Variants in ADAMTS2 observed in about 807,000 individuals in gnomAD.
ADAMTS2 encodes A disintegrin and metalloproteinase with thrombospondin motifs 2.
Under a neutral mutation model 123.0 loss-of-function variants are expected in ADAMTS2, and 50 were observed. The observed-to-expected ratio is 0.41, with a 90% CI of 0.32 to 0.51. The LOEUF is 0.51. ADAMTS2 is among the 20% of genes least tolerant of loss of function. The probability of loss-of-function intolerance (pLI) is 0.35; values close to 1 mark genes in which losing one functional copy is unlikely to be tolerated. For synonymous variants in ADAMTS2, 678 were observed against 695.4 expected, an observed-to-expected ratio of 0.98 and a Z score of 0.39; for missense variants, 1,494 against 1,705.2, an observed-to-expected ratio of 0.88 and a Z score of 2.18.
chr5:179,172,020 G>A (rs535981542), intron 5 of ADAMTS2, among the ~76,000 whole-genome samples: 9 of 152,282 alleles, frequency 5.9e-5, no homozygotes, highest in Admixed American at 5.9e-4. Context: ...GGTTCCATCT[G>A]GAGTTAGCTC....
intron 3 of ADAMTS2, among the ~76,000 whole-genome samples, chr5:179,219,166 C>T (rs1765069635): frequency 6.6e-6 from 1 of 152,176 alleles, no homozygotes; most frequent in African/African-American, 2.4e-5. Flanking sequence ...GTGCTTTCCT[C>T]TCTGCTGGGA....
At position 179,313,982 on chromosome 5, in the gene ADAMTS2, C is replaced by T. The variant is rs463072; in HGVS notation, c.534+29785G>A. 1.7e-3 allele frequency among the ~76,000 whole-genome samples: 253 copies of T among 149,576 alleles called. 1 individual carries two copies. The highest frequency in any genetic ancestry group is 1.8e-3 in the Non-Finnish European group (119 of 66,938). On this transcript the variant is annotated intron_variant, in intron 2 of 21. Transcript: ENST00000251582. ...CACTCGTGCACACACACACTCACACCGAGACAGAGGAGGGCCTGGCCGGAG... is the reference window on the plus strand; with the variant it reads ...CACTCGTGCACACACACACTCACACTGAGACAGAGGAGGGCCTGGCCGGAG...
rs948167718 is a variant in ADAMTS2 at position 179,121,657 on chromosome 5, T to C, written c.3178+4A>G. On this transcript the variant is annotated splice_donor_region_variant and intron_variant, in intron 21 of 21. Transcript: ENST00000251582. ...AGAGGCAGAGTTATAAACGGGTCGG[T>C]TACTTGACGAGATCTTCCGGATGGG... is the stretch of plus-strand genomic sequence containing the variant. The C allele has an allele frequency of 8.1e-6, 13 of 1,598,928 alleles. No homozygotes were observed. Among genetic ancestry groups the C allele is most frequent in the Non-Finnish European group, 1.1e-5 (13 of 1,172,254 alleles).
chr5:179,134,110 T>C (rs1581144048), intron 13 of ADAMTS2, among the ~76,000 whole-genome samples: 1 of 152,236 alleles, frequency 6.6e-6, no homozygotes, highest in African/African-American at 2.4e-5. Flanking sequence ...TTTACAACCA[T>C]GATCACAGCT....
chr5:179,155,411 G>A lies in ADAMTS2; in HGVS notation c.1133-492C>T, dbSNP rs1025951047. 3.9e-5 allele frequency among the ~76,000 whole-genome samples: 6 copies of A among 152,176 alleles called. No individual in the cohort carries two copies. Among genetic ancestry groups the A allele is most frequent in the African/African-American group, 9.7e-5 (4 of 41,448 alleles). On this transcript the variant is annotated intron_variant, in intron 6 of 21. Coordinates refer to ENST00000251582, the MANE Select transcript of ADAMTS2 (RefSeq NM_014244.5). The surrounding 1 kb of genome is among the most constrained non-coding windows in gnomAD (Gnocchi z 5.1). ...TGGGGGGCGTTTCTTGGGTCTCCCCGTGTTTCTCTGGGGTCCTTGAGACCC... is the reference window on the plus strand; with the variant it reads ...TGGGGGGCGTTTCTTGGGTCTCCCCATGTTTCTCTGGGGTCCTTGAGACCC...
chr5:179,336,362 G>A (rs1401064845), intron 2 of ADAMTS2, among the ~76,000 whole-genome samples: 3 of 152,242 alleles, frequency 2.0e-5, no homozygotes, highest in African/African-American at 4.8e-5. Context: ...CCGCTACTTC[G>A]TAATTCACAA....
chr5:179,191,110 C>T (rs374390754), intron 4 of ADAMTS2, among the ~76,000 whole-genome samples: 7 of 152,244 alleles, frequency 4.6e-5, no homozygotes, highest in Middle Eastern at 3.2e-3. Flanking sequence ...GGCTGCAGGA[C>T]GCAGAAGGAC....
At chr5:179,222,523 G>GC (rs1432896592) in intron 3 of ADAMTS2, among the ~76,000 whole-genome samples, 1 of 152,226 alleles carries the variant, frequency 6.6e-6, no homozygotes, top group Non-Finnish European at 1.5e-5. Flanking sequence ...GGCCCCAGCT[G>GC]CCCTCAACAC....
In ADAMTS2 at chr5:179,328,126, G is replaced by A. The variant is rs1050105296; in HGVS notation, c.534+15641C>T. 3.9e-5 allele frequency among the ~76,000 whole-genome samples: 6 copies of A among 152,166 alleles called. No individual in the cohort carries two copies. In the East Asian group the frequency reaches 5.8e-4, roughly 15 times the overall value. On this transcript the variant is annotated intron_variant, in intron 2 of 21. Coordinates refer to ENST00000251582, the MANE Select transcript of ADAMTS2 (RefSeq NM_014244.5). ...GAGCTCACTGCAGGCTCCGCCTCCCGGGTTCACGCCATTCTCCTGCCTCAG... is the reference window on the plus strand; with the variant it reads ...GAGCTCACTGCAGGCTCCGCCTCCCAGGTTCACGCCATTCTCCTGCCTCAG...
At chr5:179,336,890 G>C (rs996904277) in intron 2 of ADAMTS2, among the ~76,000 whole-genome samples, 1 of 152,224 alleles carries the variant, frequency 6.6e-6, no homozygotes, top group Non-Finnish European at 1.5e-5. Flanking sequence ...GCACAAGGCA[G>C]GGTGGGGATG....
intron 10 of ADAMTS2, among the ~76,000 whole-genome samples, chr5:179,145,595 C>T (rs1445749875): frequency 6.6e-6 from 1 of 152,270 alleles, no homozygotes; most frequent in African/African-American, 2.4e-5. Context: ...AAGTGAAAGA[C>T]GCCAGGCGCA....
At chr5:179,296,989 T>C (rs1458812094) in intron 2 of ADAMTS2, among the ~76,000 whole-genome samples, 5 of 152,110 alleles carry the variant, frequency 3.3e-5, no homozygotes, top group African/African-American at 1.2e-4. Flanking sequence ...GTCTGTAGTA[T>C]CATCAAAATA....
rs569312124 is a variant in ADAMTS2, at chr5:179,202,131, C to T, written c.891+5382G>A. ...CCCCTCCAGTGATTTCCACTGCTCC[C>T]GGAGCCACAGGCGGCTCCCCTCCAC... On this transcript the variant is annotated intron_variant, in intron 4 of 21. Transcript: ENST00000251582. The surrounding 1 kb of genome is among the most constrained non-coding windows in gnomAD (Gnocchi z 4.0). Among the ~76,000 whole-genome samples, 22 of 152,294 alleles carry T rather than the reference C, an allele frequency of 1.4e-4. No individual in the cohort carries two copies. Among genetic ancestry groups the T allele is most frequent in the African/African-American group, 4.8e-4 (20 of 41,558 alleles).
intron 3 of ADAMTS2, among the ~76,000 whole-genome samples, chr5:179,208,299 T>C (rs1764767213): frequency 6.6e-6 from 1 of 152,182 alleles, no homozygotes. Context: ...TGTTCCCCAG[T>C]GTCTCCTTGG....
chr5:179,315,048 CA>C (rs1340945236), intron 2 of ADAMTS2, among the ~76,000 whole-genome samples: 4 of 140,114 alleles, frequency 2.9e-5, no homozygotes, highest in Non-Finnish European at 6.3e-5. Context: ...ACCCCCCCCA[CA>C]ATCCCCAAGG....
chr5:179,276,127 C>T (rs928897747), intron 2 of ADAMTS2, among the ~76,000 whole-genome samples: 1 of 152,090 alleles, frequency 6.6e-6, no homozygotes, highest in South Asian at 2.1e-4. Context: ...CCAGGCCTGG[C>T]GAAGACTCAG....
intron 2 of ADAMTS2, among the ~76,000 whole-genome samples, chr5:179,309,617 G>A (rs1042162034): frequency 6.6e-5 from 10 of 152,174 alleles, no homozygotes; most frequent in Middle Eastern, 3.4e-3. Context: ...AAATAGCCAC[G>A]CATGGTGGCA....
At chr5:179,143,891 G>T (rs1055221892) in intron 10 of ADAMTS2, among the ~76,000 whole-genome samples, 1 of 151,958 alleles carries the variant, frequency 6.6e-6, no homozygotes, top group Non-Finnish European at 1.5e-5. Context: ...ATAAAAGAAG[G>T]TACTTTTTAC....
chr5:179,141,372 T>C (rs1208202149), intron 10 of ADAMTS2, among the ~76,000 whole-genome samples: 1 of 152,228 alleles, frequency 6.6e-6, no homozygotes, highest in Non-Finnish European at 1.5e-5. Flanking sequence ...TGGACATGGC[T>C]GTGTTCCTTA....
Sources: allele counts gnomAD v4.1 joint callset (sites outside exome capture counted in the v4.1 genomes callset), GRCh38; gene constraint gnomAD v4.1.1; non-coding constraint Gnocchi (gnomAD v3.1); transcripts MANE v1.5; gene names NCBI Gene and HGNC (gene_info 2026-07-23, HGNC 2026-07-21).